Variants in GRAMD4 observed in about 807,000 individuals in gnomAD.
GRAMD4 encodes GRAM domain containing 4, also known as GRAM domain-containing protein 4.
In GRAMD4, 25 loss-of-function variants were observed where a neutral mutation model predicts 83.9. The ratio of observed to expected loss-of-function variants is 0.30; its 90% CI spans 0.22 to 0.42. The LOEUF is 0.42. Ranked by LOEUF, GRAMD4 falls within the 10% of genes least tolerant of loss-of-function variation. The pLI is 1.00. For synonymous variants in GRAMD4, 336 were observed against 320.9 expected (o/e 1.05, Z -0.50); for missense variants, 593 against 788.7 (o/e 0.75, Z 2.97).
chr22:46,650,236 G>C (rs2082143774), intron 3 of GRAMD4, among the ~76,000 whole-genome samples: 1 of 152,198 alleles, frequency 6.6e-6, no homozygotes. Context: ...CTGCCTGAGA[G>C]ATCTACTTTT....
At chr22:46,665,855 G>C in intron 9 of GRAMD4, 149 bp downstream of exon 9, 1 of 602,150 alleles carries the variant, frequency 1.7e-6, no homozygotes, top group East Asian at 2.8e-5. Flanking sequence ...AGACCCCCCA[G>C]GCAGGGCGGC....
Position 46,587,593 on chromosome 22 carries a change from C to T in GRAMD4, c.-50+10303C>T, listed in dbSNP as rs373069404. 7.2e-5 allele frequency among the ~76,000 whole-genome samples: 11 copies of T among 151,942 alleles called. No homozygotes were observed. In the South Asian group the frequency reaches 1.0e-3, roughly 14 times the overall value. On this transcript the variant is annotated intron_variant, in intron 1 of 1. Coordinates refer to the GRAMD4 transcript ENST00000431155. The stretch of plus-strand genomic sequence containing the variant: ...AGCATACCTGGCAGGCAGCCCAGGC[C>T]GGGGCGGGGGGCCAGTGGGCTGGAT...
At chr22:46,646,190 C>T (rs1404057270) in intron 3 of GRAMD4, among the ~76,000 whole-genome samples, 2 of 152,192 alleles carry the variant, frequency 1.3e-5, no homozygotes, top group Admixed American at 6.5e-5. Flanking sequence ...GCATGGGTAC[C>T]CTCGTAGCGC....
At chr22:46,649,930 G>C (rs549200213) in intron 3 of GRAMD4, among the ~76,000 whole-genome samples, 3 of 152,328 alleles carry the variant, frequency 2.0e-5, no homozygotes, top group African/African-American at 7.2e-5. Context: ...CTTGCAGCCT[G>C]GTGATTCGAT....
downstream of GRAMD4, chr22:46,682,480 C>G (rs1318517682): frequency 3.1e-5 from 30 of 976,448 alleles, no homozygotes; most frequent in Admixed American, 1.8e-3. Context: ...TGAAGAAGCT[C>G]TCGAAGACCT....
intron 1 of GRAMD4, among the ~76,000 whole-genome samples, chr22:46,615,038 G>A (rs1255994354): frequency 9.3e-5 from 6 of 64,608 alleles, no homozygotes; most frequent in African/African-American, 1.3e-4. Flanking sequence ...CCCGTGTGTA[G>A]GTTCCCCTGT....
At chr22:46,614,697 T>A (rs182115603) in intron 1 of GRAMD4, among the ~76,000 whole-genome samples, 1 of 152,170 alleles carries the variant, frequency 6.6e-6, no homozygotes, top group Non-Finnish European at 1.5e-5. Flanking sequence ...GTAGTGCACA[T>A]TTCATGATTA....
At chr22:46,616,209 C>G (rs1292672823), upstream of GRAMD4, among the ~76,000 whole-genome samples, 8 of 23,510 alleles carry the variant, frequency 3.4e-4, no homozygotes, top group Non-Finnish European at 4.4e-4. Flanking sequence ...CCTGTATGTA[C>G]GTTCCCCTGT....
At chr22:46,674,063 G>C (rs567618381) in intron 15 of GRAMD4, among the ~76,000 whole-genome samples, 67 of 152,364 alleles carry the variant, frequency 4.4e-4, no homozygotes, top group African/African-American at 1.6e-3. Flanking sequence ...CTGACAGCAG[G>C]CGTGCAGGCA....
rs1433812367 is a variant in GRAMD4 at position 46,621,933 on chromosome 22, G to C, written c.-50+1368G>C. Reference sequence around the variant, plus strand: ...TTGGGTGAGGAGGGTGGTGGAGTCAGTGGGGCTGAGAGCAGGGTCGTCTAG... The same window carrying C: ...TTGGGTGAGGAGGGTGGTGGAGTCACTGGGGCTGAGAGCAGGGTCGTCTAG... On this transcript the variant is annotated intron_variant, in intron 1 of 18. Transcript: ENST00000406902. This position sits in a 1 kb window ranked among gnomAD's most constrained non-coding sequence, Gnocchi z 5.8. Among the ~76,000 whole-genome samples the C allele has an allele frequency of 6.6e-6, 1 of 152,224 alleles. No homozygotes were observed. Among genetic ancestry groups the C allele is most frequent in the African/African-American group, 2.4e-5 (1 of 41,450 alleles).
chr22:46,608,692 T>C (rs1053127684), intron 1 of GRAMD4, among the ~76,000 whole-genome samples: 1 of 152,036 alleles, frequency 6.6e-6, no homozygotes, highest in African/African-American at 2.4e-5. Context: ...AATGTGTGTG[T>C]GTGCGTAGCT....
intron 2 of GRAMD4, among the ~76,000 whole-genome samples, chr22:46,635,855 C>G (rs2081878123): frequency 6.9e-6 from 1 of 145,154 alleles, no homozygotes; most frequent in South Asian, 2.2e-4. Context: ...CTCATTCTGT[C>G]TGAAACACGC....
intron 1 of GRAMD4, among the ~76,000 whole-genome samples, chr22:46,610,450 C>G (rs1320512103): frequency 6.6e-6 from 1 of 152,212 alleles, no homozygotes; most frequent in African/African-American, 2.4e-5. Flanking sequence ...ACAGCCGTGC[C>G]CATTTGCACC....
intron 1 of GRAMD4, among the ~76,000 whole-genome samples, chr22:46,597,613 C>T (rs2081274685): frequency 6.6e-6 from 1 of 152,116 alleles, no homozygotes; most frequent in African/African-American, 2.4e-5. Context: ...CCTCAGCCTC[C>T]CGAGTAGCTG....
Position 46,664,078 on chromosome 22 carries a change from C to T in GRAMD4, c.678C>T (p.Ser226=), listed in dbSNP as rs777986951. The change falls in exon 8 of 19, where the codon TCC becomes TCT. Residue 226 remains serine (S), a synonymous_variant. Coordinates refer to ENST00000406902, the MANE Select transcript of GRAMD4 (RefSeq NM_015124.5). ...TTGTGAAGAACCTCTCTGCCTTATCCGACTGGTACTCCGTCTACACGTCTG... is the reference window on the plus strand; with the variant it reads ...TTGTGAAGAACCTCTCTGCCTTATCTGACTGGTACTCCGTCTACACGTCTG... ...TNFVKNLSAL[S]DWYSVYTSAI... 146 of 1,613,368 alleles carry T rather than the reference C, an allele frequency of 9.0e-5. No individual in the cohort carries two copies. Among genetic ancestry groups the T allele is most frequent in the Admixed American group, 2.8e-4 (17 of 59,998 alleles).
intron 2 of GRAMD4, among the ~76,000 whole-genome samples, chr22:46,635,133 A>AGGG (rs2081843589): frequency 8.2e-6 from 1 of 122,622 alleles, no homozygotes; most frequent in Non-Finnish European, 1.7e-5. Flanking sequence ...GTCCTGGGGA[A>AGGG]CCGTGTCCTC....
At chr22:46,629,483 C>T (rs1275247129) in intron 2 of GRAMD4, among the ~76,000 whole-genome samples, 1 of 152,156 alleles carries the variant, frequency 6.6e-6, no homozygotes, top group Non-Finnish European at 1.5e-5. Context: ...ACTGCTCCGG[C>T]CCAGGCTCAC....
chr22:46,609,977 G>A (rs983427672), intron 1 of GRAMD4, among the ~76,000 whole-genome samples: 1 of 152,218 alleles, frequency 6.6e-6, no homozygotes, highest in Non-Finnish European at 1.5e-5. Context: ...CGCCCTCCTT[G>A]CTGGCTCCTC....
chr22:46,616,048 CT>C, upstream of GRAMD4, among the ~76,000 whole-genome samples: 1 of 141,046 alleles, frequency 7.1e-6, no homozygotes, highest in South Asian at 2.4e-4. Context: ...GTAGGTTCCC[CT>C]GTGCGTGTCG....
Sources: gnomAD v4.1 joint callset for allele counts (sites outside exome capture counted in the v4.1 genomes callset) on GRCh38, gnomAD v4.1.1 for gene constraint, Gnocchi (gnomAD v3.1) non-coding constraint, MANE v1.5 for transcripts, NCBI Gene and HGNC (gene_info 2026-07-23, HGNC 2026-07-21) for gene names.